Variants in KCNQ1 observed in about 807,000 individuals in gnomAD.
KCNQ1 encodes the protein potassium voltage-gated channel subfamily Q member 1.
A neutral mutation model predicts 72.4 loss-of-function variants in KCNQ1; 49 were observed. The ratio of observed to expected loss-of-function variants is 0.68; its 90% CI spans 0.54 to 0.86. The LOEUF (loss-of-function observed/expected upper bound fraction) is 0.86. Ranked by LOEUF, KCNQ1 falls within the 40% of genes least tolerant of loss-of-function variation. The probability of loss-of-function intolerance (pLI) is 0.00; values close to 1 mark genes in which losing one functional copy is unlikely to be tolerated. For synonymous variants in KCNQ1, 450 were observed against 412.6 expected, an observed-to-expected ratio of 1.09 and a Z score of -1.10; for missense variants, 790 against 945.1, an observed-to-expected ratio of 0.84 and a Z score of 2.15.
At position 2,588,971 on chromosome 11, in the gene KCNQ1, T is replaced by C; in HGVS notation, c.1393+117T>C. ...GGCTGTGGTCTCTGACAACGAGGTATGAACAGACAGAGGGTGGAGCTTCTA... is the reference window on the plus strand; with the variant it reads ...GGCTGTGGTCTCTGACAACGAGGTACGAACAGACAGAGGGTGGAGCTTCTA... On this transcript the variant is annotated intron_variant, in intron 10 of 15. Coordinates refer to ENST00000155840, the MANE Select transcript of KCNQ1 (RefSeq NM_000218.3). The surrounding 1 kb of genome is among the most constrained non-coding windows in gnomAD (Gnocchi z 5.6). The C allele has an allele frequency of 8.1e-7, 1 of 1,232,080 alleles. No individual in the cohort carries two copies. The highest frequency in any genetic ancestry group is 1.2e-6 in the Non-Finnish European group (1 of 867,680). 76.3% of individuals were successfully genotyped at this position (1,232,080 alleles called of 1,614,324 possible).
intron 15 of KCNQ1, among the ~76,000 whole-genome samples, chr11:2,841,385 A>G (rs1160289557): frequency 6.6e-6 from 1 of 152,166 alleles, no homozygotes; most frequent in Non-Finnish European, 1.5e-5. Context: ...TGCCTGGAAC[A>G]AGCGGGGAAC....
At chr11:2,528,129 C>T in intron 2 of KCNQ1, 111 bp downstream of exon 2, 1 of 938,632 alleles carries the variant, frequency 1.1e-6, no homozygotes, top group Non-Finnish European at 1.7e-6. Flanking sequence ...AGCCCCTTGC[C>T]CACACATTGG....
At chr11:2,722,136 C>T (rs1007109381) in intron 11 of KCNQ1, among the ~76,000 whole-genome samples, 1 of 152,150 alleles carries the variant, frequency 6.6e-6, no homozygotes, top group African/African-American at 2.4e-5. Context: ...CCCCTGGGAT[C>T]AAGCTTGGAT....
chr11:2,606,816 C>G (rs1291218961), intron 10 of KCNQ1, among the ~76,000 whole-genome samples: 2 of 151,302 alleles, frequency 1.3e-5, no homozygotes, highest in Non-Finnish European at 2.9e-5. Flanking sequence ...GTGGAAAGAG[C>G]AGATCTCTTT....
At chr11:2,823,249 T>C (rs1269154384) in intron 15 of KCNQ1, among the ~76,000 whole-genome samples, 1 of 152,198 alleles carries the variant, frequency 6.6e-6, no homozygotes, top group Non-Finnish European at 1.5e-5. Context: ...GATCAGTCTT[T>C]GGTAGAGAAA....
rs1256114280 is a variant in KCNQ1, at chr11:2,463,625, G to A, written c.386+18141G>A. 2.0e-5 allele frequency among the ~76,000 whole-genome samples: 3 copies of A among 152,212 alleles called. No individual in the cohort carries two copies. Among genetic ancestry groups the A allele is most frequent in the African/African-American group, 7.2e-5 (3 of 41,458 alleles). On this transcript the variant is annotated intron_variant, in intron 1 of 15. Transcript: ENST00000155840. The surrounding 1 kb of genome is among the most constrained non-coding windows in gnomAD (Gnocchi z 7.0). ...GACTGGGGCTGGGGCTGGGGCAGCT[G>A]TGTTTATGGGTGTACTCCCTGTGCT...
At chr11:2,770,510 G>T (rs977644241) in intron 12 of KCNQ1, among the ~76,000 whole-genome samples, 1 of 152,232 alleles carries the variant, frequency 6.6e-6, no homozygotes. Flanking sequence ...CTCCAGGGGG[G>T]TTTCGCATGC....
At chr11:2,618,067 C>T in intron 10 of KCNQ1, 1 of 398,428 alleles carries the variant, frequency 2.5e-6, no homozygotes. Flanking sequence ...TTTTTGTAGC[C>T]TGAGCTTTTG....
At chr11:2,779,280 A>T (rs994356408) in intron 15 of KCNQ1, among the ~76,000 whole-genome samples, 7 of 152,156 alleles carry the variant, frequency 4.6e-5, no homozygotes, top group Admixed American at 4.6e-4. Flanking sequence ...CTGCCCGGGG[A>T]ACACGGTGTT....
intron 11 of KCNQ1, among the ~76,000 whole-genome samples, chr11:2,756,685 A>G (rs1846303714): frequency 6.6e-6 from 1 of 152,036 alleles, no homozygotes; most frequent in East Asian, 1.9e-4. Context: ...TCCTGAGCTC[A>G]AAGCAATCCG....
At chr11:2,502,309 CAAA>C (rs971582950) in intron 1 of KCNQ1, among the ~76,000 whole-genome samples, 3 of 151,998 alleles carry the variant, frequency 2.0e-5, no homozygotes, top group African/African-American at 7.2e-5. Context: ...AAAGACCCCA[CAAA>C]AAAACTATTA....
intron 12 of KCNQ1, 71 bp from the exon 13 acceptor site, chr11:2,775,889 A>T: frequency 6.9e-7 from 1 of 1,454,372 alleles, no homozygotes; most frequent in Non-Finnish European, 9.4e-7. Context: ...AGACACTGTC[A>T]CTGCCTGCAC....
At position 2,808,343 on chromosome 11, in the gene KCNQ1, A is replaced by G. The variant is rs760272820; in HGVS notation, c.1794+30306A>G. Among the ~76,000 whole-genome samples, 3 of 152,250 alleles carry G rather than the reference A, an allele frequency of 2.0e-5. No individual in the cohort carries two copies. Among genetic ancestry groups the G allele is most frequent in the Non-Finnish European group, 4.4e-5 (3 of 68,052 alleles). ...TGGCATCACAGAGCTACCCCGGTCA[A>G]AAATATACCATGTAATTACAGACCA... is the stretch of plus-strand genomic sequence containing the variant. On this transcript the variant is annotated intron_variant, in intron 15 of 15. Transcript: ENST00000155840. This position sits in a 1 kb window ranked among gnomAD's most constrained non-coding sequence, Gnocchi z 6.0.
At chr11:2,467,709 C>T (rs1846371860) in intron 1 of KCNQ1, among the ~76,000 whole-genome samples, 1 of 152,216 alleles carries the variant, frequency 6.6e-6, no homozygotes, top group African/African-American at 2.4e-5. Context: ...AATGCCTGGG[C>T]ACACGGGCCC....
Position 2,559,442 on chromosome 11 carries a change from GT to G in KCNQ1, c.478-11182del, listed in dbSNP as rs1331972049. ...GGCAGGGGGAGGGCCAGCCCCTGTG[GT>G]TTTAGCCTCCTGAGAGTCTCCCCAG... On this transcript the variant is annotated intron_variant, in intron 2 of 15. Transcript: ENST00000155840. This position sits in a 1 kb window ranked among gnomAD's most constrained non-coding sequence, Gnocchi z 4.9. 1.3e-5 allele frequency among the ~76,000 whole-genome samples: 2 copies of G among 152,172 alleles called. No individual in the cohort carries two copies. The highest frequency in any genetic ancestry group is 6.5e-5 in the Admixed American group (1 of 15,292).
chr11:2,698,329 A>G lies in KCNQ1; in HGVS notation c.1514+36248A>G. 2.5e-6 allele frequency: 1 copy of G among 398,628 alleles called. No individual in the cohort carries two copies. The highest frequency in any genetic ancestry group is 4.4e-6 in the Non-Finnish European group (1 of 226,064). 24.7% of individuals were successfully genotyped at this position (398,628 alleles called of 1,614,324 possible). ...TCATAACCAGAACAGTGCTGTGGGAAGGCACTCTTACTCTCAATTTTATAT... is the reference window on the plus strand; with the variant it reads ...TCATAACCAGAACAGTGCTGTGGGAGGGCACTCTTACTCTCAATTTTATAT... On this transcript the variant is annotated intron_variant, in intron 11 of 15. Coordinates refer to ENST00000155840, the MANE Select transcript of KCNQ1 (RefSeq NM_000218.3). The surrounding 1 kb of genome is among the most constrained non-coding windows in gnomAD (Gnocchi z 5.1).
rs993284339 is a variant in KCNQ1 at position 2,450,482 on chromosome 11, G to A, written c.386+4998G>A. On this transcript the variant is annotated intron_variant, in intron 1 of 15. Transcript: ENST00000155840. The surrounding 1 kb of genome is among the most constrained non-coding windows in gnomAD (Gnocchi z 7.9). ...GACCCCAAGGATTTGGTTACAGAGG[G>A]GAGGGCGGCAGCGTCTGGCTTCACT... is the stretch of plus-strand genomic sequence containing the variant. 6.6e-6 allele frequency among the ~76,000 whole-genome samples: 1 copy of A among 152,168 alleles called. No individual in the cohort carries two copies. Among genetic ancestry groups the A allele is most frequent in the Non-Finnish European group, 1.5e-5 (1 of 68,032 alleles).
intron 10 of KCNQ1, chr11:2,618,326 T>A (rs1849103295): frequency 2.5e-6 from 1 of 398,408 alleles, no homozygotes; most frequent in Non-Finnish European, 4.4e-6. Flanking sequence ...TGCAAAAAAA[T>A]TCAATGTTTT....
Position 2,567,136 on chromosome 11 carries a change from C to A in KCNQ1, c.478-3492C>A, listed in dbSNP as rs1297127947. 1.3e-5 allele frequency among the ~76,000 whole-genome samples: 2 copies of A among 152,086 alleles called. No homozygotes were observed. The highest frequency in any genetic ancestry group is 2.9e-5 in the Non-Finnish European group (2 of 67,986). On this transcript the variant is annotated intron_variant, in intron 2 of 15. Coordinates refer to ENST00000155840, the MANE Select transcript of KCNQ1 (RefSeq NM_000218.3). The surrounding 1 kb of genome is among the most constrained non-coding windows in gnomAD (Gnocchi z 6.6). The stretch of plus-strand genomic sequence containing the variant: ...CCTCAGGGACAGCCCTAGACTGTCA[C>A]CCTCAGTGTGGACAGCAGGAGCTAT...
Sources: gnomAD v4.1 joint callset for allele counts (sites outside exome capture counted in the v4.1 genomes callset) on GRCh38, gnomAD v4.1.1 for gene constraint, Gnocchi (gnomAD v3.1) non-coding constraint, MANE v1.5 for transcripts, NCBI Gene and HGNC (gene_info 2026-07-23, HGNC 2026-07-21) for gene names.